CNTLN: variants seen among roughly 807,000 people sequenced by gnomAD.
CNTLN encodes centlein.
Under a neutral mutation model 180.0 loss-of-function variants are expected in CNTLN, and 212 were observed. The ratio of observed to expected loss-of-function variants is 1.18; its 90% CI spans 1.05 to 1.32. The LOEUF is 1.32. Ranked by LOEUF, CNTLN falls within the 40% of genes most tolerant of loss-of-function variation. The pLI, the probability that CNTLN is intolerant of heterozygous loss-of-function variation, is 0.00. For missense variants in CNTLN, 2,095 were observed against 1,610.9 expected, an observed-to-expected ratio of 1.30 and a Z score of -5.14; for synonymous variants, 722 against 563.1, an observed-to-expected ratio of 1.28 and a Z score of -3.99.
At chr9:17,314,377 G>A (rs894196252) in intron 8 of CNTLN, among the ~76,000 whole-genome samples, 1 of 152,126 alleles carries the variant, frequency 6.6e-6, no homozygotes, top group Non-Finnish European at 1.5e-5. Context: ...TATTACTCAT[G>A]GAAGTGTTGA....
chr9:17,284,523 C>T (rs979756033), intron 6 of CNTLN, among the ~76,000 whole-genome samples: 1 of 152,048 alleles, frequency 6.6e-6, no homozygotes, highest in African/African-American at 2.4e-5. Context: ...TCTGTTTCTT[C>T]TAGATTTTCT....
downstream of CNTLN, among the ~76,000 whole-genome samples, chr9:17,508,590 C>A (rs1383314271): frequency 6.6e-6 from 1 of 152,164 alleles, no homozygotes; most frequent in Non-Finnish European, 1.5e-5. Context: ...TAACTCTAAT[C>A]CCTGGCCGCC....
At chr9:17,178,866 T>C (rs940857802) in intron 2 of CNTLN, among the ~76,000 whole-genome samples, 9 of 152,094 alleles carry the variant, frequency 5.9e-5, no homozygotes, top group Non-Finnish European at 1.2e-4. Context: ...TCCTGAAGCG[T>C]GGCCAGAGTG....
At chr9:17,228,650 C>T (rs1824626306) in intron 3 of CNTLN, among the ~76,000 whole-genome samples, 1 of 152,064 alleles carries the variant, frequency 6.6e-6, no homozygotes, top group Non-Finnish European at 1.5e-5. Flanking sequence ...GTTTCTCTTT[C>T]ATCCACTCTT....
chr9:17,448,588 C>T (rs1830589985), intron 18 of CNTLN: 1 of 152,278 alleles, frequency 6.6e-6, no homozygotes, highest in East Asian at 1.9e-4. Flanking sequence ...CCAGGCCTGA[C>T]CAAGCCTTGG....
intron 15 of CNTLN, among the ~76,000 whole-genome samples, chr9:17,405,841 T>A (rs186250653): frequency 1.4e-3 from 207 of 151,854 alleles, no homozygotes; most frequent in Non-Finnish European, 2.6e-3. Flanking sequence ...CTGGCTGGAG[T>A]GCAGTGGCGT....
At chr9:17,163,131 C>T (rs1819796147) in intron 2 of CNTLN, among the ~76,000 whole-genome samples, 1 of 152,042 alleles carries the variant, frequency 6.6e-6, no homozygotes, top group South Asian at 2.1e-4. Context: ...TTTATAAAAC[C>T]ATCAGGTCTT....
chr9:17,502,683 G>T lies in CNTLN; in HGVS notation c.*31G>T. On this transcript the variant is annotated 3_prime_UTR_variant, in exon 26 of 26. Transcript: ENST00000380647. ...AAATGGAGAGCTTTATTGCAAATGT[G>T]AAAACTTTTTATGTGGTGTGATTGG... is the stretch of plus-strand genomic sequence containing the variant. The T allele has an allele frequency of 1.1e-6, 1 of 905,338 alleles. No homozygotes were observed. Among genetic ancestry groups the T allele is most frequent in the Non-Finnish European group, 1.6e-6 (1 of 610,552 alleles). The allele number at this position is 905,338 out of a possible 1,614,324, so 56.1% of individuals were successfully genotyped here. A position where few individuals can be genotyped will look rare whatever the true frequency, so the allele number is the denominator to read the frequency against.
At chr9:17,521,973 T>C in the CNTLN span, among the ~76,000 whole-genome samples, 1 of 152,166 alleles carries the variant, frequency 6.6e-6, no homozygotes, top group Non-Finnish European at 1.5e-5. Context: ...GCCTATATTA[T>C]TTTCTATCAT....
intron 1 of CNTLN, among the ~76,000 whole-genome samples, chr9:17,135,734 G>C (rs998064687): frequency 2.6e-5 from 4 of 152,356 alleles, no homozygotes; most frequent in African/African-American, 9.6e-5. Flanking sequence ...CAAGTTCTTG[G>C]TGGTGACGGT....
the CNTLN span, among the ~76,000 whole-genome samples, chr9:17,519,284 C>G: frequency 6.6e-6 from 1 of 150,532 alleles, no homozygotes; most frequent in Non-Finnish European, 1.5e-5. Flanking sequence ...GTATCCCTTC[C>G]TCACAAACAC....
chr9:17,387,854 A>G (rs1320376243), intron 13 of CNTLN, among the ~76,000 whole-genome samples: 2 of 151,960 alleles, frequency 1.3e-5, no homozygotes, highest in Admixed American at 6.6e-5. Flanking sequence ...TTTTAAGGCA[A>G]AGGGGGAATA....
intron 12 of CNTLN, among the ~76,000 whole-genome samples, chr9:17,358,699 A>G (rs1823052638): frequency 6.6e-6 from 1 of 152,198 alleles, no homozygotes; most frequent in African/African-American, 2.4e-5. Flanking sequence ...TAAAAAAGTA[A>G]TAATTCTACT....
At chr9:17,275,026 G>T (rs867554888) in intron 6 of CNTLN, among the ~76,000 whole-genome samples, 35 of 152,074 alleles carry the variant, frequency 2.3e-4, no homozygotes, top group African/African-American at 8.2e-4. Flanking sequence ...TGATAGACTG[G>T]TTAACATATC....
At chr9:17,181,149 T>C (rs561177693) in intron 2 of CNTLN, among the ~76,000 whole-genome samples, 11 of 152,362 alleles carry the variant, frequency 7.2e-5, no homozygotes, top group African/African-American at 2.6e-4. Context: ...ACCTGCCTTC[T>C]TTCTCTTCTA....
chr9:17,204,695 G>A (rs1822789259), intron 2 of CNTLN, among the ~76,000 whole-genome samples: 1 of 152,160 alleles, frequency 6.6e-6, no homozygotes, highest in South Asian at 2.1e-4. Flanking sequence ...CTGAACTAGT[G>A]CACTTTGCTG....
chr9:17,399,836 G>GTCTTCATC (rs1273600612), intron 15 of CNTLN, among the ~76,000 whole-genome samples: 1 of 152,092 alleles, frequency 6.6e-6, no homozygotes, highest in African/African-American at 2.4e-5. Flanking sequence ...AAAGACAGAG[G>GTCTTCATC]AACACCAAGA....
intron 11 of CNTLN, 46 bp from the exon 12 acceptor site, chr9:17,342,279 C>T: frequency 1.3e-6 from 2 of 1,567,080 alleles, no homozygotes; most frequent in Non-Finnish European, 8.7e-7. Flanking sequence ...ATTTTTATTG[C>T]ACTTCAGACA....
At chr9:17,221,575 A>T (rs185680147) in intron 2 of CNTLN, among the ~76,000 whole-genome samples, 2 of 152,192 alleles carry the variant, frequency 1.3e-5, no homozygotes. Flanking sequence ...GTTTATTCCA[A>T]TTCTCCGCCT....
Sources: allele counts gnomAD v4.1 joint callset (sites outside exome capture counted in the v4.1 genomes callset), GRCh38; gene constraint gnomAD v4.1.1; transcripts MANE v1.5; gene names NCBI Gene and HGNC (gene_info 2026-07-23, HGNC 2026-07-21).